PTPRZ1: variants seen among roughly 807,000 people sequenced by gnomAD.
PTPRZ1 encodes receptor-type tyrosine-protein phosphatase zeta.
In PTPRZ1, 82 loss-of-function variants were observed where a neutral mutation model predicts 214.1. The ratio of observed to expected loss-of-function variants is 0.38; its 90% CI spans 0.32 to 0.46. The LOEUF is 0.46. PTPRZ1 is among the 20% of genes least tolerant of loss of function. PTPRZ1 has a pLI of 1.00. For synonymous variants in PTPRZ1, 945 were observed against 987.9 expected (o/e 0.96, Z 0.81); for missense variants, 2,603 against 2,748.7 (o/e 0.95, Z 1.19).
chr7:121,932,269 T>A (rs1316626582), intron 2 of PTPRZ1, among the ~76,000 whole-genome samples: 1 of 152,242 alleles, frequency 6.6e-6, no homozygotes, highest in Non-Finnish European at 1.5e-5. Flanking sequence ...GATTATTCAC[T>A]ATAAAGTGAA....
chr7:121,919,142 C>T (rs982500696), intron 1 of PTPRZ1, among the ~76,000 whole-genome samples: 15 of 152,086 alleles, frequency 9.9e-5, no homozygotes, highest in African/African-American at 3.6e-4. Context: ...GTAGTTCATT[C>T]TTCTACCTGT....
intron 8 of PTPRZ1, among the ~76,000 whole-genome samples, chr7:121,988,295 A>G (rs1423144894): frequency 2.6e-5 from 4 of 152,176 alleles, no homozygotes; most frequent in African/African-American, 7.2e-5. Context: ...ATAGACTAAT[A>G]TGCACATTTA....
rs1211369024 is a variant in PTPRZ1, at chr7:121,935,265, T to TA, written c.124+7053dup. Among the ~76,000 whole-genome samples, 19 of 151,556 alleles carry TA rather than the reference T, an allele frequency of 1.3e-4. No homozygotes were observed. The East Asian group carries it at 1.4e-3, about 11-fold the overall frequency. ...CTAAATGCTAATGTGTCTCCCCTAT[T>TA]AAAAAAAAAGTTAAAATTGCATAGA... On this transcript the variant is annotated intron_variant, in intron 2 of 29. Coordinates refer to ENST00000393386, the MANE Select transcript of PTPRZ1 (RefSeq NM_002851.3).
At chr7:121,914,579 T>G (rs1795364953) in intron 1 of PTPRZ1, among the ~76,000 whole-genome samples, 1 of 152,164 alleles carries the variant, frequency 6.6e-6, no homozygotes, top group Non-Finnish European at 1.5e-5. Context: ...GAAAAATCCT[T>G]GGGACGTGCC....
rs1203596110 is a variant in PTPRZ1, at chr7:121,923,978, TAGG to T, written c.59-4174_59-4172del. Among the ~76,000 whole-genome samples, 7 of 152,014 alleles carry T rather than the reference TAGG, an allele frequency of 4.6e-5. No individual in the cohort carries two copies. The East Asian group carries it at 1.2e-3, about 25-fold the overall frequency. ...TAAACCAAATTCCTCTCAATTTAGT[TAGG>T]AGGTTAGAAAGCTACTTCATGAAGA... On this transcript the variant is annotated intron_variant, in intron 1 of 29. Transcript: ENST00000393386.
rs145746316 is a variant in PTPRZ1 at position 122,013,164 on chromosome 7, A to T, written c.4118A>T (p.His1373Leu). 3.7e-4 allele frequency: 603 copies of T among 1,614,072 alleles called. 2 individuals are homozygous for T. The highest frequency in any genetic ancestry group is 2.8e-3 in the Middle Eastern group (17 of 6,062). The stretch of plus-strand genomic sequence containing the variant: ...CATTCTGTTCCTATAGGAAATGGGC[A>T]TGTTGCCATTACAGCTGTTTCTCCC... Reference protein sequence around the residue: ...TDHSVPIGNGHVAITAVSPHR... With the variant: ...TDHSVPIGNGLVAITAVSPHR... Residue 1373 changes from histidine (H) to leucine (L), a missense_variant, in exon 12 of 30, where the codon CAT becomes CTT. Around this residue, in one of 6 missense-constraint regions of PTPRZ1, gnomAD observed 1,913 missense variants for 1,914.3 expected, o/e 1.00. Coordinates refer to ENST00000393386, the MANE Select transcript of PTPRZ1 (RefSeq NM_002851.3).
intron 2 of PTPRZ1, among the ~76,000 whole-genome samples, chr7:121,938,619 A>C (rs767027069): frequency 2.6e-5 from 4 of 152,162 alleles, no homozygotes; most frequent in Non-Finnish European, 4.4e-5. Context: ...TGAGAAAAAC[A>C]TCCTGGATCA....
At chr7:121,893,402 T>A (rs1013315675) in intron 1 of PTPRZ1, among the ~76,000 whole-genome samples, 1 of 152,270 alleles carries the variant, frequency 6.6e-6, no homozygotes, top group African/African-American at 2.4e-5. Context: ...TTTATCTTGC[T>A]CCACTGTCTT....
chr7:121,904,440 GC>G (rs761064728), intron 1 of PTPRZ1, among the ~76,000 whole-genome samples: 1 of 152,080 alleles, frequency 6.6e-6, no homozygotes, highest in Non-Finnish European at 1.5e-5. Context: ...GCAGACATAG[GC>G]CCCCAAAGAT....
intron 13 of PTPRZ1, among the ~76,000 whole-genome samples, chr7:122,019,931 A>G (rs1204819925): frequency 6.6e-6 from 1 of 152,212 alleles, no homozygotes; most frequent in Non-Finnish European, 1.5e-5. Flanking sequence ...TAGTGTATTT[A>G]TGAGGAACAT....
chr7:121,892,011 G>GT (rs1380548993), intron 1 of PTPRZ1, among the ~76,000 whole-genome samples: 2 of 152,050 alleles, frequency 1.3e-5, no homozygotes, highest in East Asian at 1.9e-4. Context: ...ATGTTCTTAA[G>GT]TTTTTTTGTT....
Position 122,011,614 on chromosome 7 carries a change from G to T in PTPRZ1, c.2568G>T (p.Leu856Phe), listed in dbSNP as rs370676496. Residue 856 changes from leucine (L) to phenylalanine (F), a missense_variant, in exon 12 of 30, where the codon TTG becomes TTT. This residue lies in a region of PTPRZ1 where 1,913 missense variants were observed against 1,914.3 expected (regional missense o/e 1.00). Transcript: ENST00000393386. ...CTACCGAGAGTGATAAGGTGCCCTT[G>T]CATGCTTCTCTGCCAGTGGCTGGGG... ...TSATESDKVPLHASLPVAGGD... is the reference protein window; with the variant it reads ...TSATESDKVPFHASLPVAGGD... 30 of 1,613,964 alleles carry T rather than the reference G, an allele frequency of 1.9e-5. No homozygotes were observed. Among genetic ancestry groups the T allele is most frequent in the Middle Eastern group, 1.6e-4 (1 of 6,084 alleles).
chr7:122,021,959 A>T (rs1400260193), intron 13 of PTPRZ1, among the ~76,000 whole-genome samples: 3 of 152,192 alleles, frequency 2.0e-5, no homozygotes, highest in Non-Finnish European at 4.4e-5. Flanking sequence ...GTTTTAGTTA[A>T]TTCTTCAAGG....
At chr7:121,904,180 C>CA (rs1304009913) in intron 1 of PTPRZ1, among the ~76,000 whole-genome samples, 2 of 152,152 alleles carry the variant, frequency 1.3e-5, no homozygotes, top group Non-Finnish European at 2.9e-5. Flanking sequence ...ATGTGCTTAG[C>CA]AAGAGTGCAT....
chr7:121,976,807 A>C lies in PTPRZ1; in HGVS notation c.575A>C (p.Asp192Ala). Residue 192 changes from aspartate (D) to alanine (A), a missense_variant, in exon 6 of 30, where the codon GAT (aspartate) becomes GCT (alanine). Coordinates refer to ENST00000393386, the MANE Select transcript of PTPRZ1 (RefSeq NM_002851.3). ...CAGGTTGGGACAGAAGAAAATTTGG[A>C]TTTCAAAGCGATTATTGATGGAGTC... is the stretch of plus-strand genomic sequence containing the variant. ...LFEVGTEENLDFKAIIDGVES... is the reference protein window; with the variant it reads ...LFEVGTEENLAFKAIIDGVES... The C allele has an allele frequency of 6.2e-7, 1 of 1,610,728 alleles. No individual in the cohort carries two copies. The highest frequency in any genetic ancestry group is 8.5e-7 in the Non-Finnish European group (1 of 1,178,312).
At position 122,055,093 on chromosome 7, in the gene PTPRZ1, G is replaced by A; in HGVS notation, c.6528+6G>A. The A allele has an allele frequency of 2.0e-6, 3 of 1,530,486 alleles. No homozygotes were observed. Among genetic ancestry groups the A allele is most frequent in the Middle Eastern group, 1.7e-4 (1 of 5,744 alleles). 94.8% of individuals were successfully genotyped at this position (1,530,486 alleles called of 1,614,324 possible). ...TTATCTTAGAAGCTACACAGGTAAG[G>A]ATATAAGTTAAATGACAAACTTTTT... is the stretch of plus-strand genomic sequence containing the variant. On this transcript the variant is annotated splice_donor_region_variant and intron_variant, in intron 27 of 29. Coordinates refer to ENST00000393386, the MANE Select transcript of PTPRZ1 (RefSeq NM_002851.3).
chr7:122,015,549 T>C (rs1002896430), intron 12 of PTPRZ1, among the ~76,000 whole-genome samples: 9 of 152,124 alleles, frequency 5.9e-5, no homozygotes, highest in African/African-American at 2.2e-4. Context: ...TCATTAGTGC[T>C]GTCATATATA....
At chr7:121,968,751 T>C (rs1286519804) in intron 3 of PTPRZ1, among the ~76,000 whole-genome samples, 1 of 151,972 alleles carries the variant, frequency 6.6e-6, no homozygotes, top group East Asian at 1.9e-4. Flanking sequence ...TTTTTGATAT[T>C]CTAGTTTTTT....
At position 121,986,658 on chromosome 7, in the gene PTPRZ1, T is replaced by TA. The variant is rs1224309874; in HGVS notation, c.928+2542dup. ...GAATTTCACATCCCTGCTGCAATACTATTATGACTGCCATAGTAATAATAA... is the reference window on the plus strand; with the variant it reads ...GAATTTCACATCCCTGCTGCAATACTAATTATGACTGCCATAGTAATAATAA... On this transcript the variant is annotated intron_variant, in intron 8 of 29. Coordinates refer to ENST00000393386, the MANE Select transcript of PTPRZ1 (RefSeq NM_002851.3). Among the ~76,000 whole-genome samples, 3 of 152,212 alleles carry TA rather than the reference T, an allele frequency of 2.0e-5. No homozygotes were observed. In the East Asian group the frequency reaches 5.8e-4, roughly 29 times the overall value.
Sources: gnomAD v4.1 joint callset for allele counts (sites outside exome capture counted in the v4.1 genomes callset) on GRCh38, gnomAD v4.1.1 for gene constraint, gnomAD v4.1.1 regional missense constraint, MANE v1.5 for transcripts, NCBI Gene and HGNC (gene_info 2026-07-23, HGNC 2026-07-21) for gene names.